Variants in PPP6R2 observed in about 807,000 individuals in gnomAD.
PPP6R2 encodes the protein protein phosphatase 6 regulatory subunit 2.
PPP6R2 carries 62 observed loss-of-function variants against 100.2 expected under a neutral mutation model. That is an observed-to-expected ratio of 0.62 (90% CI 0.50 to 0.76). The LOEUF (loss-of-function observed/expected upper bound fraction) is 0.76. Ranked by LOEUF, PPP6R2 falls within the 30% of genes least tolerant of loss-of-function variation. The pLI is 0.00. For missense variants in PPP6R2, 1,142 were observed against 1,276.3 expected, an observed-to-expected ratio of 0.89 and a Z score of 1.60; for synonymous variants, 525 against 514.7, an observed-to-expected ratio of 1.02 and a Z score of -0.27.
At chr22:50,429,982 G>C (rs527693861) in intron 10 of PPP6R2, among the ~76,000 whole-genome samples, 6 of 151,758 alleles carry the variant, frequency 4.0e-5, no homozygotes, top group Admixed American at 2.0e-4. Flanking sequence ...GCCCAAGCTC[G>C]AATCCTGGTG....
At chr22:50,409,743 T>C (rs2059481440) in intron 4 of PPP6R2, among the ~76,000 whole-genome samples, 1 of 152,124 alleles carries the variant, frequency 6.6e-6, no homozygotes, top group Admixed American at 6.6e-5. Context: ...ATGATGATTT[T>C]TGAGATGGAG....
At position 50,424,633 on chromosome 22, in the gene PPP6R2, C is replaced by T. The variant is rs74280058; in HGVS notation, c.1125+1019C>T. On this transcript the variant is annotated intron_variant, in intron 10 of 23. Coordinates refer to ENST00000612753, the MANE Select transcript of PPP6R2 (RefSeq NM_001242898.2). ...ACCTACTTTCCTTTTCCCTCTTCTT[C>T]TTTTTTTTTTTTTTTTTTTTTTTGA... Among the ~76,000 whole-genome samples the T allele has an allele frequency of 6.5e-3, 482 of 74,370 alleles. 4 individuals carry two copies. Among genetic ancestry groups the T allele is most frequent in the Middle Eastern group, 0.026 (2 of 76 alleles). 48.8% of individuals were successfully genotyped at this position (74,370 alleles called of 152,430 possible).
the PPP6R2 span, among the ~76,000 whole-genome samples, chr22:50,331,428 C>T: frequency 6.6e-6 from 1 of 152,086 alleles, no homozygotes; most frequent in Non-Finnish European, 1.5e-5. Context: ...TATAAAGGTT[C>T]CAGTTCTCCA....
rs570978129 is a variant in PPP6R2 at position 50,422,233 on chromosome 22, A to G, written c.846-21A>G. Reference sequence around the variant, plus strand: ...CAGGGTCCTGGTGTCCCCGGTCTCCATCTGCTTTCCTCATCCACAGGACAG... The same window carrying G: ...CAGGGTCCTGGTGTCCCCGGTCTCCGTCTGCTTTCCTCATCCACAGGACAG... On this transcript the variant is annotated intron_variant, in intron 8 of 23. Transcript: ENST00000612753. 13 of 1,610,706 alleles carry G rather than the reference A, an allele frequency of 8.1e-6. No individual in the cohort carries two copies. The African/African-American group carries it at 1.2e-4, about 15-fold the overall frequency.
chr22:50,397,860 T>TCC (rs71981060), intron 3 of PPP6R2, among the ~76,000 whole-genome samples: 52 of 74,138 alleles, frequency 7.0e-4, no homozygotes, highest in East Asian at 6.8e-3. Flanking sequence ...AGCCTTGTCA[T>TCC]CTCTGAGCTT....
At chr22:50,410,309 G>A (rs1026222405) in intron 4 of PPP6R2, among the ~76,000 whole-genome samples, 1 of 152,066 alleles carries the variant, frequency 6.6e-6, no homozygotes, top group Non-Finnish European at 1.5e-5. Flanking sequence ...TCCTGTGCAC[G>A]CTGCCCGGGG....
chr22:50,377,779 C>CGGGAGGATCACAAGGT (rs2051930603), intron 2 of PPP6R2, among the ~76,000 whole-genome samples: 1 of 152,088 alleles, frequency 6.6e-6, no homozygotes, highest in African/African-American at 2.4e-5. Context: ...GAGGCTGAGG[C>CGGGAGGATCACAAGGT]GGGAGGATCA....
At chr22:50,331,490 A>G in the PPP6R2 span, among the ~76,000 whole-genome samples, 1 of 152,146 alleles carries the variant, frequency 6.6e-6, no homozygotes, top group Non-Finnish European at 1.5e-5. Flanking sequence ...GGGGGTCTGC[A>G]GTGGTACTTT....
At chr22:50,416,523 G>A (rs1010898910) in intron 6 of PPP6R2, among the ~76,000 whole-genome samples, 1 of 151,272 alleles carries the variant, frequency 6.6e-6, no homozygotes. Flanking sequence ...TAGAGATGAG[G>A]TCTCACTACA....
chr22:50,438,455 C>A, intron 18 of PPP6R2, 144 bp from the exon 19 acceptor site: 1 of 1,436,144 alleles, frequency 7.0e-7, no homozygotes, highest in Non-Finnish European at 9.5e-7. Context: ...CTAAGGAGCC[C>A]AGAGCTGAGG....
At chr22:50,389,905 G>A (rs1346292093) in intron 2 of PPP6R2, among the ~76,000 whole-genome samples, 3 of 151,708 alleles carry the variant, frequency 2.0e-5, no homozygotes, top group African/African-American at 7.3e-5. Context: ...GATCATTTTT[G>A]AGTGTTTCTT....
upstream of PPP6R2, chr22:50,343,275 T>A (rs907560357): frequency 4.7e-5 from 7 of 148,118 alleles, no homozygotes; most frequent in African/African-American, 1.7e-4. Context: ...GCCGCGAGCG[T>A]GCGCGCCCCA....
At chr22:50,339,027 GGTGT>G (rs1188941334), upstream of PPP6R2, among the ~76,000 whole-genome samples, 45 of 116,658 alleles carry the variant, frequency 3.9e-4, no homozygotes, top group Non-Finnish European at 7.3e-4. Flanking sequence ...GTGTGTGTGT[GGTGT>G]GTGTGTGTGG....
intron 13 of PPP6R2, among the ~76,000 whole-genome samples, chr22:50,435,767 C>T (rs911303001): frequency 2.6e-5 from 4 of 152,286 alleles, no homozygotes; most frequent in African/African-American, 9.6e-5. Context: ...GGAGGAGCTT[C>T]CCCACATCCT....
chr22:50,383,308 T>C (rs185258105), intron 2 of PPP6R2, among the ~76,000 whole-genome samples: 179 of 152,338 alleles, frequency 1.2e-3, no homozygotes, highest in Non-Finnish European at 2.1e-3. Flanking sequence ...TTTCCTGTGG[T>C]CCTGGTCTCA....
intron 4 of PPP6R2, chr22:50,407,590 CTAGCAT>C: frequency 6.6e-6 from 1 of 152,470 alleles, no homozygotes; most frequent in Non-Finnish European, 1.5e-5. Context: ...AAGGTCACTT[CTAGCAT>C]TAGACTTCTG....
At chr22:50,368,461 G>C (rs73439371) in intron 1 of PPP6R2, among the ~76,000 whole-genome samples, 32,479 of 151,970 alleles carry the variant, frequency 0.21, 4,991 homozygotes, top group African/African-American at 0.43. Flanking sequence ...TCCTATCTCT[G>C]TATGGCCTGG....
intron 3 of PPP6R2, among the ~76,000 whole-genome samples, chr22:50,396,150 T>C (rs1401763693): frequency 7.1e-6 from 1 of 140,362 alleles, no homozygotes; most frequent in African/African-American, 2.7e-5. Flanking sequence ...GAGCTGAGAT[T>C]GCGCCATTGC....
intron 4 of PPP6R2, among the ~76,000 whole-genome samples, chr22:50,413,955 C>T (rs995169167): frequency 1.3e-5 from 2 of 152,222 alleles, no homozygotes; most frequent in South Asian, 2.1e-4. Flanking sequence ...CAGCCCACTG[C>T]GTCTGTGATG....
Sources: allele counts gnomAD v4.1 joint callset (sites outside exome capture counted in the v4.1 genomes callset), GRCh38; gene constraint gnomAD v4.1.1; transcripts MANE v1.5; gene names NCBI Gene and HGNC (gene_info 2026-07-23, HGNC 2026-07-21).